Variants in FAM135A observed in about 807,000 individuals in gnomAD.
The protein encoded by FAM135A is family with sequence similarity 135 member A.
Under a neutral mutation model 146.8 loss-of-function variants are expected in FAM135A, and 79 were observed. That is an observed-to-expected ratio of 0.54 (90% CI 0.45 to 0.65). The LOEUF is 0.65. Ranked by LOEUF, FAM135A falls within the 30% of genes least tolerant of loss-of-function variation. The pLI is 0.00. For synonymous variants in FAM135A, 562 were observed against 603.6 expected (o/e 0.93, Z 1.01); for missense variants, 1,623 against 1,758.2 (o/e 0.92, Z 1.38).
chr6:70,559,793 A>G lies in FAM135A; in HGVS notation c.4420A>G (p.Asn1474Asp), dbSNP rs538535102. The stretch of plus-strand genomic sequence containing the variant: ...CAAGGACTGTAATTTGGTTCGCTAT[A>G]ATGTCATCAATGCATTGCCCAATAC... ...QSKDCNLVRY[N>D]VINALPNTAD... Residue 1474 changes from asparagine to aspartate, a missense_variant, in exon 22 of 22, where the codon AAT becomes GAT. Asn to Asp is a conservative substitution (Grantham distance 23, BLOSUM62 1). This residue lies in a region of FAM135A where 138 missense variants were observed against 174.1 expected (regional missense o/e 0.79). Coordinates refer to ENST00000418814, the MANE Select transcript of FAM135A (RefSeq NM_001162529.3). 6.8e-6 allele frequency: 11 copies of G among 1,614,150 alleles called. No individual in the cohort carries two copies. In the South Asian group the frequency reaches 9.9e-5, roughly 14 times the overall value.
At chr6:70,520,471 A>G (rs1185861901) in intron 12 of FAM135A, among the ~76,000 whole-genome samples, 1 of 152,200 alleles carries the variant, frequency 6.6e-6, no homozygotes, top group Admixed American at 6.5e-5. Flanking sequence ...AGCAATTTGA[A>G]CAGCATTATT....
chr6:70,427,910 T>G (rs1284619494), intron 3 of FAM135A, among the ~76,000 whole-genome samples: 1 of 152,208 alleles, frequency 6.6e-6, no homozygotes, highest in Non-Finnish European at 1.5e-5. Flanking sequence ...TGTTAATTTT[T>G]TTTTGACTCT....
At chr6:70,540,130 T>C (rs117648530) in intron 20 of FAM135A, among the ~76,000 whole-genome samples, 1 of 152,176 alleles carries the variant, frequency 6.6e-6, no homozygotes, top group Non-Finnish European at 1.5e-5. Context: ...GATAATTCAT[T>C]ATGCATCACC....
intron 4 of FAM135A, among the ~76,000 whole-genome samples, chr6:70,445,615 T>C (rs1175385466): frequency 6.6e-6 from 1 of 152,228 alleles, no homozygotes; most frequent in Non-Finnish European, 1.5e-5. Flanking sequence ...GTTTGGCTAG[T>C]TATCTGCAGC....
At chr6:70,520,298 G>T (rs1469737587) in intron 12 of FAM135A, among the ~76,000 whole-genome samples, 1 of 151,698 alleles carries the variant, frequency 6.6e-6, no homozygotes, top group African/African-American at 2.4e-5. Context: ...CTATGAGTTA[G>T]TGCAAGGACG....
intron 5 of FAM135A, among the ~76,000 whole-genome samples, chr6:70,455,566 A>G (rs957089443): frequency 1.3e-5 from 2 of 152,150 alleles, no homozygotes; most frequent in Admixed American, 1.3e-4. Flanking sequence ...TACTTTCACG[A>G]AACATAGAGG....
rs566279950 is a variant in FAM135A, at chr6:70,471,669, C to T, written c.158-3741C>T. 5.7e-4 allele frequency among the ~76,000 whole-genome samples: 87 copies of T among 152,212 alleles called. 1 individual carries two copies. The highest frequency in any genetic ancestry group is 3.4e-3 in the Middle Eastern group (1 of 294). ...GATCTGTGCAGCAAACCACCATGCACACATTTGCCAGTGTAACAAACCTGC... is the reference window on the plus strand; with the variant it reads ...GATCTGTGCAGCAAACCACCATGCATACATTTGCCAGTGTAACAAACCTGC... On this transcript the variant is annotated intron_variant, in intron 5 of 21. Coordinates refer to ENST00000418814, the MANE Select transcript of FAM135A (RefSeq NM_001162529.3).
chr6:70,522,319 TTATA>T (rs202095227), intron 12 of FAM135A, among the ~76,000 whole-genome samples, 190 bp from the exon 13 acceptor site: 2 of 144,134 alleles, frequency 1.4e-5, no homozygotes, highest in Admixed American at 1.4e-4. Flanking sequence ...TAGTTTATAT[TTATA>T]TATGCTTTCC....
intron 11 of FAM135A, among the ~76,000 whole-genome samples, chr6:70,501,486 T>C (rs1182209691): frequency 6.6e-6 from 1 of 152,162 alleles, no homozygotes; most frequent in Non-Finnish European, 1.5e-5. Flanking sequence ...TTCAGCCTCC[T>C]TTGCAGGGGA....
intron 12 of FAM135A, among the ~76,000 whole-genome samples, chr6:70,506,104 A>G (rs1789705279): frequency 6.6e-6 from 1 of 152,170 alleles, no homozygotes; most frequent in Admixed American, 6.5e-5. Flanking sequence ...CAAGATTTTG[A>G]ACAACAATGA....
Position 70,560,060 on chromosome 6 carries a change from T to C in FAM135A, c.*139T>C. On this transcript the variant is annotated 3_prime_UTR_variant, in exon 22 of 22. Transcript: ENST00000418814. ...TATGGAAGATAATTTATATCATCCA[T>C]GTTTAGTGCTTTTTAAACATCAACT... 1.5e-6 allele frequency: 1 copy of C among 658,910 alleles called. No homozygotes were observed. Among genetic ancestry groups the C allele is most frequent in the African/African-American group, 1.8e-5 (1 of 54,102 alleles). The allele number at this position is 658,910 out of a possible 1,614,324, so 40.8% of individuals were successfully genotyped here.
intron 12 of FAM135A, among the ~76,000 whole-genome samples, chr6:70,516,737 G>A (rs373449122): frequency 2.0e-5 from 3 of 151,620 alleles, no homozygotes; most frequent in Non-Finnish European, 4.4e-5. Context: ...AGGTTTCACC[G>A]TGTTAGCCAG....
At chr6:70,471,972 C>A (rs6901904) in intron 5 of FAM135A, among the ~76,000 whole-genome samples, 26,865 of 151,996 alleles carry the variant, frequency 0.18, 2,470 homozygotes, top group Middle Eastern at 0.22. Flanking sequence ...ATAAAGCCTT[C>A]AAGAAATGAA....
intron 4 of FAM135A, among the ~76,000 whole-genome samples, chr6:70,443,479 A>G (rs1278670597): frequency 6.6e-6 from 1 of 152,258 alleles, no homozygotes; most frequent in Non-Finnish European, 1.5e-5. Context: ...CGTGTGTAGT[A>G]TAACCAGCAG....
At chr6:70,551,139 T>C (rs1799757644) in intron 20 of FAM135A, among the ~76,000 whole-genome samples, 2 of 152,340 alleles carry the variant, frequency 1.3e-5, no homozygotes, top group African/African-American at 4.8e-5. Context: ...TAAAACTGTT[T>C]TGGTGTCTCA....
At chr6:70,457,728 A>G (rs1031834620) in intron 5 of FAM135A, among the ~76,000 whole-genome samples, 15 of 152,242 alleles carry the variant, frequency 9.9e-5, no homozygotes, top group African/African-American at 3.6e-4. Context: ...AACAGAAGTT[A>G]TAATTCAATC....
rs2128406342 is a variant in FAM135A at position 70,533,764 on chromosome 6, CT to C, written c.3879del (p.Phe1293LeufsTer7). The C allele has an allele frequency of 6.3e-7, 1 of 1,574,844 alleles. No homozygotes were observed. The highest frequency in any genetic ancestry group is 1.2e-5 in the South Asian group (1 of 83,326). On this transcript the variant is annotated frameshift_variant, in exon 18 of 22. Transcript: ENST00000418814. LOFTEE classifies it high-confidence loss of function. ...FLMSERNQND[T>X]FADFDSMTDR... The stretch of plus-strand genomic sequence containing the variant: ...GCTTTGCTTTCTTTTTAGAATGATA[CT>C]TTTGCTGATTTTGATAGCATGACTG...
At position 70,525,525 on chromosome 6, in the gene FAM135A, A is replaced by G. The variant is rs767513665; in HGVS notation, c.2441A>G (p.Asn814Ser). Residue 814 changes from asparagine (N) to serine (S), a missense_variant, in exon 15 of 22, where the codon AAT (asparagine) becomes AGT (serine). Physicochemically the swap from Asn to Ser is conservative, Grantham distance 46. This residue lies in a region of FAM135A where 1,061 missense variants were observed against 1,113.8 expected (regional missense o/e 0.95). Transcript: ENST00000418814. Reference sequence around the variant, plus strand: ...CAGCTTTTGATGAAACCTGATTATAATGTAAAATTTTCATTAGGAAATCAT... The same window carrying G: ...CAGCTTTTGATGAAACCTGATTATAGTGTAAAATTTTCATTAGGAAATCAT... The part of the protein sequence containing the change: ...FPQLLMKPDY[N>S]VKFSLGNHCT... The G allele has an allele frequency of 1.1e-5, 18 of 1,612,448 alleles. No homozygotes were observed. The highest frequency in any genetic ancestry group is 1.4e-5 in the Non-Finnish European group (17 of 1,179,420).
At chr6:70,440,378 T>C (rs1459012379) in intron 4 of FAM135A, among the ~76,000 whole-genome samples, 3 of 152,152 alleles carry the variant, frequency 2.0e-5, no homozygotes, top group Non-Finnish European at 4.4e-5. Flanking sequence ...ATTATTTCAC[T>C]AGAGGTTATA....
Sources: gnomAD v4.1 joint callset for allele counts (sites outside exome capture counted in the v4.1 genomes callset) on GRCh38, gnomAD v4.1.1 for gene constraint, gnomAD v4.1.1 regional missense constraint, MANE v1.5 for transcripts, NCBI Gene and HGNC (gene_info 2026-07-23, HGNC 2026-07-21) for gene names.